The following STPG2 variants were observed in gnomAD, a reference collection of about 807,000 sequenced individuals.
STPG2 encodes sperm-tail PG-rich repeat-containing protein 2.
In STPG2, 56 loss-of-function variants were observed where a neutral mutation model predicts 54.2. That is an observed-to-expected ratio of 1.03 (90% CI 0.83 to 1.29). The LOEUF (loss-of-function observed/expected upper bound fraction) is 1.29, where lower values mean the gene tolerates loss of function less well. Ranked by LOEUF, STPG2 falls within the 50% of genes most tolerant of loss-of-function variation. The pLI, the probability that STPG2 is intolerant of heterozygous loss-of-function variation, is 0.00. For synonymous variants in STPG2, 200 were observed against 181.8 expected, an observed-to-expected ratio of 1.10 and a Z score of -0.81; for missense variants, 596 against 544.9, an observed-to-expected ratio of 1.09 and a Z score of -0.93.
intron 9 of STPG2, among the ~76,000 whole-genome samples, chr4:97,723,067 C>T (rs1329371857): frequency 9.2e-5 from 14 of 151,522 alleles, no homozygotes; most frequent in Non-Finnish European, 1.5e-5. Flanking sequence ...CAGCCTCGGC[C>T]TCCTAAAGTG....
At chr4:97,990,119 T>C (rs1734958432) in intron 5 of STPG2, among the ~76,000 whole-genome samples, 1 of 152,226 alleles carries the variant, frequency 6.6e-6, no homozygotes. Flanking sequence ...TATAAATGAA[T>C]ATACTTCAAC....
chr4:97,797,880 A>G (rs974941021), intron 9 of STPG2, among the ~76,000 whole-genome samples: 4 of 152,158 alleles, frequency 2.6e-5, no homozygotes, highest in Non-Finnish European at 5.9e-5. Flanking sequence ...TTATTGGTCT[A>G]TTAAGGAATT....
At chr4:97,642,902 C>T (rs766722510) in intron 10 of STPG2, among the ~76,000 whole-genome samples, 32 of 151,164 alleles carry the variant, frequency 2.1e-4, no homozygotes, top group Non-Finnish European at 4.0e-4. Context: ...GAACAATTGC[C>T]AAATAAATTC....
intron 4 of STPG2, among the ~76,000 whole-genome samples, chr4:98,108,081 C>T (rs34437628): frequency 5.9e-5 from 9 of 151,806 alleles, no homozygotes; most frequent in African/African-American, 1.2e-4. Context: ...CAAAAACAAA[C>T]GCCATGTTTT....
At chr4:98,104,043 A>G (rs1473473425) in intron 5 of STPG2, among the ~76,000 whole-genome samples, 1 of 152,174 alleles carries the variant, frequency 6.6e-6, no homozygotes, top group Admixed American at 6.6e-5. Context: ...TTCTGTGATG[A>G]CCACCTCTGC....
intron 9 of STPG2, among the ~76,000 whole-genome samples, chr4:97,785,711 T>C (rs945890542): frequency 2.0e-5 from 3 of 152,076 alleles, no homozygotes; most frequent in African/African-American, 7.2e-5. Context: ...AATATCTTCG[T>C]TCCCACCTGG....
chr4:97,826,018 A>G (rs182142682), intron 9 of STPG2, among the ~76,000 whole-genome samples: 6 of 152,310 alleles, frequency 3.9e-5, no homozygotes, highest in East Asian at 1.9e-4. Context: ...ATCAGATTCT[A>G]TAATAGATAA....
chr4:97,997,105 T>C (rs1735264994), intron 5 of STPG2, among the ~76,000 whole-genome samples: 1 of 152,238 alleles, frequency 6.6e-6, no homozygotes, highest in Admixed American at 6.5e-5. Context: ...TTCAAAGGAA[T>C]ATAAATCATT....
At chr4:97,754,025 T>C (rs1035647647) in intron 9 of STPG2, among the ~76,000 whole-genome samples, 2 of 152,096 alleles carry the variant, frequency 1.3e-5, no homozygotes, top group African/African-American at 4.8e-5. Context: ...TGATGTCATA[T>C]CCATGCAATC....
chr4:97,924,573 G>A (rs990181131), intron 8 of STPG2, among the ~76,000 whole-genome samples: 6 of 152,070 alleles, frequency 3.9e-5, no homozygotes, highest in African/African-American at 1.2e-4. Flanking sequence ...TCTTCATTAG[G>A]GGAGGTAATT....
intron 8 of STPG2, among the ~76,000 whole-genome samples, chr4:97,859,690 C>T (rs1403547953): frequency 6.6e-6 from 1 of 152,072 alleles, no homozygotes. Context: ...GTCTTGAAAT[C>T]CTGACCTCGT....
intron 9 of STPG2, among the ~76,000 whole-genome samples, chr4:97,728,346 CT>C (rs1476550081): frequency 2.6e-5 from 4 of 151,938 alleles, no homozygotes; most frequent in Non-Finnish European, 5.9e-5. Flanking sequence ...TCATTTATTT[CT>C]AAGTATTAGT....
intron 3 of STPG2, among the ~76,000 whole-genome samples, chr4:98,122,000 G>A (rs749899178): frequency 3.9e-5 from 6 of 152,092 alleles, no homozygotes; most frequent in Admixed American, 6.5e-5. Flanking sequence ...GACTACAAGC[G>A]TGAGCCACCA....
At chr4:97,756,514 T>G (rs892850649) in intron 9 of STPG2, among the ~76,000 whole-genome samples, 2 of 151,658 alleles carry the variant, frequency 1.3e-5, no homozygotes, top group African/African-American at 4.8e-5. Context: ...TTAGTAGAGA[T>G]GGGGTTGCAC....
At chr4:98,108,361 T>C (rs1305278100) in intron 4 of STPG2, among the ~76,000 whole-genome samples, 2 of 152,148 alleles carry the variant, frequency 1.3e-5, no homozygotes, top group Non-Finnish European at 2.9e-5. Context: ...GAAAGGGTAG[T>C]AGATTCTGAG....
rs370588692 is a variant in STPG2 at position 97,874,258 on chromosome 4, T to C, written c.1045-33326A>G. 2.8e-4 allele frequency among the ~76,000 whole-genome samples: 42 copies of C among 151,840 alleles called. No individual in the cohort carries two copies. In the East Asian group the frequency reaches 5.4e-3, roughly 20 times the overall value. ...GGTTGACTATTCATGTTCATTATCA[T>C]TTCAATAACTTATTTTTGCTTGTCA... is the stretch of plus-strand genomic sequence containing the variant. On this transcript the variant is annotated intron_variant, in intron 8 of 10. Transcript: ENST00000295268.
intron 6 of STPG2, among the ~76,000 whole-genome samples, chr4:97,975,735 T>G (rs1734477808): frequency 6.6e-6 from 1 of 152,196 alleles, no homozygotes; most frequent in South Asian, 2.1e-4. Flanking sequence ...GAAACTTCAC[T>G]TAAATCTCAT....
At chr4:97,832,511 GC>G (rs774052811) in intron 9 of STPG2, among the ~76,000 whole-genome samples, 1 of 152,150 alleles carries the variant, frequency 6.6e-6, no homozygotes, top group Non-Finnish European at 1.5e-5. Context: ...GGAAGTTCTG[GC>G]CAGGGCAATC....
At chr4:97,778,660 AG>A (rs1476907861) in intron 9 of STPG2, among the ~76,000 whole-genome samples, 1 of 152,216 alleles carries the variant, frequency 6.6e-6, no homozygotes, top group Non-Finnish European at 1.5e-5. Context: ...ACCCCCGAGT[AG>A]CCTATCTGGG....
Sources: allele counts gnomAD v4.1 joint callset (sites outside exome capture counted in the v4.1 genomes callset), GRCh38; gene constraint gnomAD v4.1.1; transcripts MANE v1.5; gene names NCBI Gene and HGNC (gene_info 2026-07-23, HGNC 2026-07-21).